Variants in GRIN2D observed in about 807,000 individuals in gnomAD.
The protein encoded by GRIN2D is glutamate ionotropic receptor NMDA type subunit 2D, also known as glutamate receptor ionotropic, NMDA 2D.
A neutral mutation model predicts 103.2 loss-of-function variants in GRIN2D; 37 were observed. The observed-to-expected ratio is 0.36, with a 90% CI of 0.28 to 0.47. The LOEUF (loss-of-function observed/expected upper bound fraction) is 0.47, where lower values mean the gene tolerates loss of function less well. Among genes scored for constraint, GRIN2D ranks in the 20% least tolerant of loss-of-function variants. The pLI is 1.00. For missense variants in GRIN2D, 1,557 were observed against 1,910.6 expected, an observed-to-expected ratio of 0.81 and a Z score of 3.45; for synonymous variants, 845 against 885.6, an observed-to-expected ratio of 0.95 and a Z score of 0.81.
Position 48,398,509 on chromosome 19 carries a change from TGGGCCCGGCGGCGGCCTCGGCG to T in GRIN2D, c.122_143del (p.Pro41ArgfsTer35). On this transcript the variant is annotated frameshift_variant, in exon 3 of 14. Coordinates refer to ENST00000263269, the MANE Select transcript of GRIN2D (RefSeq NM_000836.4). LOFTEE classifies it high-confidence loss of function. ...AGGCGCCGGGGCCGGGCGGGGCCGG[TGGGCCCGGCGGCGGCCTCGGCG>T]GGGCGCGGCCGCTCAACGTGGCGCT... 2.0e-6 allele frequency: 2 copies of T among 1,010,612 alleles called. No individual in the cohort carries two copies. Among genetic ancestry groups the T allele is most frequent in the Non-Finnish European group, 2.4e-6 (2 of 849,052 alleles). The allele number at this position is 1,010,612 out of a possible 1,614,324, so 62.6% of individuals were successfully genotyped here.
intron 8 of GRIN2D, among the ~76,000 whole-genome samples, chr19:48,417,874 T>C (rs1278114199): frequency 6.6e-6 from 1 of 151,976 alleles, no homozygotes; most frequent in Non-Finnish European, 1.5e-5. Flanking sequence ...TTTGGGTTTA[T>C]TGTTGGTGAG....
In GRIN2D at chr19:48,424,826, A is replaced by G. The variant is rs368976508; in HGVS notation, c.2252+2881A>G. Among the ~76,000 whole-genome samples the G allele has an allele frequency of 6.8e-4, 104 of 152,206 alleles. No individual in the cohort carries two copies. In the East Asian group the frequency reaches 0.019, roughly 27 times the overall value. On this transcript the variant is annotated intron_variant, in intron 11 of 13. Transcript: ENST00000263269. The stretch of plus-strand genomic sequence containing the variant: ...ATCACCCAAATGCAAAAAGTTTCCT[A>G]GTCAACATAATGAACAGAAAATATA...
chr19:48,437,039 A>G (rs1300169755), intron 11 of GRIN2D, among the ~76,000 whole-genome samples: 1 of 152,190 alleles, frequency 6.6e-6, no homozygotes, highest in Non-Finnish European at 1.5e-5. Flanking sequence ...AACAAGAAAG[A>G]AAGGACGGAT....
In GRIN2D at chr19:48,414,351, A is replaced by T. The variant is rs1400991089; in HGVS notation, c.1201-22A>T. Reference sequence around the variant, plus strand: ...CCGGGAAGTCTTCCCAGGAAGCCTGACTCTCTTTCCCTTTGGCCAAGGTGG... The same window carrying T: ...CCGGGAAGTCTTCCCAGGAAGCCTGTCTCTCTTTCCCTTTGGCCAAGGTGG... On this transcript the variant is annotated intron_variant, in intron 5 of 13. Transcript: ENST00000263269. The surrounding 1 kb of genome is among the most constrained non-coding windows in gnomAD (Gnocchi z 4.6). 6.3e-7 allele frequency: 1 copy of T among 1,577,326 alleles called. No individual in the cohort carries two copies. The highest frequency in any genetic ancestry group is 1.3e-5 in the African/African-American group (1 of 74,304).
At chr19:48,412,021 T>C (rs1970867944) in intron 4 of GRIN2D, among the ~76,000 whole-genome samples, 1 of 150,914 alleles carries the variant, frequency 6.6e-6, no homozygotes, top group Non-Finnish European at 1.5e-5. Flanking sequence ...AGTGAGACCC[T>C]ATCTCTACTT....
chr19:48,443,881 G>A lies in GRIN2D; in HGVS notation c.3955G>A (p.Asp1319Asn). ...TTCCCACCGGAGACACCGGGGCGGG[G>A]ACCTGGGCACCCGCAGGGGCTCGGC... is the stretch of plus-strand genomic sequence containing the variant. ...TASHRRHRGGDLGTRRGSAHF... is the reference protein window; with the variant it reads ...TASHRRHRGGNLGTRRGSAHF... The change falls in exon 14 of 14, where the codon GAC (aspartate) becomes AAC (asparagine). Residue 1319 changes from aspartate (D) to asparagine (N), a missense_variant. Asp to Asn is a conservative substitution (Grantham distance 23). Around this residue, in one of 7 missense-constraint regions of GRIN2D, gnomAD observed 88 missense variants for 84.3 expected, o/e 1.04. Transcript: ENST00000263269. This position sits in a 1 kb window ranked among gnomAD's most constrained non-coding sequence, Gnocchi z 8.9. 3.4e-6 allele frequency: 5 copies of A among 1,473,640 alleles called. No homozygotes were observed. Among genetic ancestry groups the A allele is most frequent in the Non-Finnish European group, 4.5e-6 (5 of 1,119,576 alleles). The allele number at this position is 1,473,640 out of a possible 1,614,324, so 91.3% of individuals were successfully genotyped here. A position where few individuals can be genotyped will look rare whatever the true frequency, so the allele number is the denominator to read the frequency against.
rs1161886434 is a variant in GRIN2D at position 48,414,380 on chromosome 19, G to A, written c.1208G>A (p.Ser403Asn). The change falls in exon 6 of 14, where the codon AGC (serine) becomes AAC (asparagine). Residue 403 changes from serine (S) to asparagine (N), a missense_variant. Ser to Asn is a conservative substitution (Grantham distance 46). Around this residue, in one of 7 missense-constraint regions of GRIN2D, gnomAD observed 490 missense variants for 601.1 expected, o/e 0.82. Transcript: ENST00000263269. This position sits in a 1 kb window ranked among gnomAD's most constrained non-coding sequence, Gnocchi z 4.6. ...TRDRTWEVVG[S>N]WEQQTLRLKY... ...TCTTTCCCTTTGGCCAAGGTGGGCAGCTGGGAGCAGCAGACGCTCCGCCTC... is the reference window on the plus strand; with the variant it reads ...TCTTTCCCTTTGGCCAAGGTGGGCAACTGGGAGCAGCAGACGCTCCGCCTC... 1.9e-6 allele frequency: 3 copies of A among 1,604,486 alleles called. No individual in the cohort carries two copies. Among genetic ancestry groups the A allele is most frequent in the African/African-American group, 1.3e-5 (1 of 74,920 alleles).
At chr19:48,399,020 G>A (rs1301421376) in intron 3 of GRIN2D, among the ~76,000 whole-genome samples, 163 bp downstream of exon 3, 1 of 152,166 alleles carries the variant, frequency 6.6e-6, no homozygotes, top group Non-Finnish European at 1.5e-5. Flanking sequence ...AGGGCTTAGG[G>A]CTAGATTAGA....
At chr19:48,425,552 TC>T (rs1971076833) in intron 11 of GRIN2D, among the ~76,000 whole-genome samples, 1 of 152,184 alleles carries the variant, frequency 6.6e-6, no homozygotes. Flanking sequence ...GATGGCACTT[TC>T]CAAATCTACT....
At chr19:48,411,326 AAATAAT>A (rs200053542) in intron 4 of GRIN2D, among the ~76,000 whole-genome samples, 20,815 of 138,046 alleles carry the variant, frequency 0.15, 1,804 homozygotes, top group East Asian at 0.3. Flanking sequence ...CCCCGTCTCA[AAATAAT>A]AATAATAATA....
Position 48,394,460 on chromosome 19 carries a change from TG to T in GRIN2D, c.-305-191del, listed in dbSNP as rs934981648. ...TAGACACAGACGCTGGAAGGGGGGG[TG>T]GGGGGGCTGAGGGCACAAAGCGGGG... On this transcript the variant is annotated intron_variant, in intron 1 of 13. Coordinates refer to ENST00000263269, the MANE Select transcript of GRIN2D (RefSeq NM_000836.4). This position sits in a 1 kb window ranked among gnomAD's most constrained non-coding sequence, Gnocchi z 5.1. Among the ~76,000 whole-genome samples the T allele has an allele frequency of 4.9e-5, 1 of 20,362 alleles. No homozygotes were observed. The highest frequency in any genetic ancestry group is 1.8e-4 in the African/African-American group (1 of 5,458). 13.4% of individuals were successfully genotyped at this position (20,362 alleles called of 152,430 possible).
chr19:48,395,051 G>A (rs1970621443), intron 2 of GRIN2D, 115 bp downstream of exon 2: 2 of 152,336 alleles, frequency 1.3e-5, no homozygotes, highest in South Asian at 4.1e-4. Flanking sequence ...CGGTGGGCAG[G>A]GGTCTTGACC....
chr19:48,417,625 C>T (rs1970963325), intron 8 of GRIN2D, among the ~76,000 whole-genome samples: 2 of 152,222 alleles, frequency 1.3e-5, no homozygotes, highest in African/African-American at 4.8e-5. Context: ...ACCAAGGTCT[C>T]TGCAGGGCAC....
chr19:48,434,012 G>A (rs1286018105), intron 11 of GRIN2D, among the ~76,000 whole-genome samples: 1 of 150,938 alleles, frequency 6.6e-6, no homozygotes, highest in African/African-American at 2.4e-5. Context: ...GCAGTGGCGC[G>A]ATCTCGGCTC....
intron 4 of GRIN2D, among the ~76,000 whole-genome samples, chr19:48,410,846 G>T (rs527639010): frequency 6.6e-6 from 1 of 152,096 alleles, no homozygotes; most frequent in South Asian, 2.1e-4. Context: ...CTTGGGGACC[G>T]ATAGGCTGGG....
rs552419447 is a variant in GRIN2D at position 48,410,260 on chromosome 19, T to C, written c.1086-3731T>C. 5.5e-4 allele frequency among the ~76,000 whole-genome samples: 82 copies of C among 149,128 alleles called. 1 individual carries two copies. In the South Asian group the frequency reaches 0.018, roughly 32 times the overall value. ...AGTCAGAGTGACAGGCCAGGCGTGG[T>C]GGCTCACGCCTGTAATCCCAGCACT... On this transcript the variant is annotated intron_variant, in intron 4 of 13. Coordinates refer to ENST00000263269, the MANE Select transcript of GRIN2D (RefSeq NM_000836.4).
intron 4 of GRIN2D, among the ~76,000 whole-genome samples, chr19:48,409,317 T>G (rs958168098): frequency 7.4e-5 from 11 of 148,138 alleles, no homozygotes; most frequent in African/African-American, 2.8e-4. Flanking sequence ...CTCACTCTGT[T>G]GCCCAGGCGG....
intron 4 of GRIN2D, among the ~76,000 whole-genome samples, chr19:48,412,398 A>AAAAG (rs1196273562): frequency 2.0e-5 from 3 of 149,864 alleles, no homozygotes; most frequent in Non-Finnish European, 4.4e-5. Context: ...AAAGAGAAAG[A>AAAAG]AAAGAAAGAA....
At chr19:48,411,409 T>C (rs1235717686) in intron 4 of GRIN2D, among the ~76,000 whole-genome samples, 1 of 151,632 alleles carries the variant, frequency 6.6e-6, no homozygotes, top group Non-Finnish European at 1.5e-5. Context: ...CCCAGAACTT[T>C]GGGAGGCCGA....
Sources: gnomAD v4.1 joint callset for allele counts (sites outside exome capture counted in the v4.1 genomes callset) on GRCh38, gnomAD v4.1.1 for gene constraint, gnomAD v4.1.1 regional missense constraint, Gnocchi (gnomAD v3.1) non-coding constraint, MANE v1.5 for transcripts, NCBI Gene and HGNC (gene_info 2026-07-23, HGNC 2026-07-21) for gene names.